ACACB: variants seen among roughly 807,000 people sequenced by gnomAD.
ACACB encodes the protein acetyl-CoA carboxylase 2.
A neutral mutation model predicts 278.8 loss-of-function variants in ACACB; 209 were observed. The observed-to-expected ratio is 0.75, with a 90% confidence interval of 0.67 to 0.84. The LOEUF (loss-of-function observed/expected upper bound fraction) is 0.84. Among genes scored for constraint, ACACB ranks in the 40% least tolerant of loss-of-function variants. The pLI is 0.00. For synonymous variants in ACACB, 1,174 were observed against 1,285.6 expected, an observed-to-expected ratio of 0.91 and a Z score of 1.86; for missense variants, 2,850 against 3,269.0, an observed-to-expected ratio of 0.87 and a Z score of 3.13.
chr12:109,201,348 C>G (rs2045323879), intron 18 of ACACB, among the ~76,000 whole-genome samples: 1 of 152,200 alleles, frequency 6.6e-6, no homozygotes, highest in Non-Finnish European at 1.5e-5. Context: ...ACCTCCTTGG[C>G]TGGCTTTGCA....
At chr12:109,203,128 T>G (rs2045385905) in intron 19 of ACACB, among the ~76,000 whole-genome samples, 1 of 152,234 alleles carries the variant, frequency 6.6e-6, no homozygotes, top group South Asian at 2.1e-4. Context: ...CTTTTGTGAC[T>G]AGCTTATTTC....
chr12:109,135,189 C>T (rs777392977), intron 1 of ACACB, among the ~76,000 whole-genome samples: 59 of 152,162 alleles, frequency 3.9e-4, no homozygotes, highest in African/African-American at 1.4e-3. Flanking sequence ...TATTCTCTCT[C>T]TCTCTCTTTT....
chr12:109,207,076 C>A (rs1308323182), intron 20 of ACACB, among the ~76,000 whole-genome samples: 1 of 152,214 alleles, frequency 6.6e-6, no homozygotes, highest in Non-Finnish European at 1.5e-5. Context: ...CCACCTCAGC[C>A]TCCCACGTAG....
At chr12:109,174,330 AT>A in intron 7 of ACACB, 100 bp downstream of exon 7, 1 of 865,826 alleles carries the variant, frequency 1.2e-6, no homozygotes, top group Non-Finnish European at 1.6e-6. Flanking sequence ...AATTCTTTCC[AT>A]TACAAATGTT....
chr12:109,245,689 T>C lies in ACACB; in HGVS notation c.5242T>C (p.Leu1748=). Residue 1748 remains leucine (L), a synonymous_variant, in exon 38 of 53, where the codon TTA becomes CTA. Coordinates refer to ENST00000338432, the MANE Select transcript of ACACB (RefSeq NM_001093.4). ...YPKDILTYTE[L]VLDSQGQLVE... is the part of the protein sequence containing the mutation. ...CAAAGACATCCTGACATACACTGAA[T>C]TAGTGTTGGACTCTCAGGGCCAGCT... is the stretch of plus-strand genomic sequence containing the variant. 6.2e-7 allele frequency: 1 copy of C among 1,614,172 alleles called. No individual in the cohort carries two copies. Among genetic ancestry groups the C allele is most frequent in the Non-Finnish European group, 8.5e-7 (1 of 1,180,012 alleles).
At chr12:109,211,395 G>A (rs2045844974) in intron 21 of ACACB, among the ~76,000 whole-genome samples, 1 of 128,704 alleles carries the variant, frequency 7.8e-6, no homozygotes, top group Non-Finnish European at 1.6e-5. Flanking sequence ...GATTACAGGT[G>A]TACACCACCA....
In ACACB at chr12:109,209,912, C is replaced by CACACGT. The variant is rs1555222470; in HGVS notation, c.3249+559_3249+560insACACGT. On this transcript the variant is annotated intron_variant, in intron 21 of 52. Transcript: ENST00000338432. ...ATATGTATATACACACATACACACA[C>CACACGT]GTGTGTATATATGTGTATACACACA... Among the ~76,000 whole-genome samples, 3 of 61,182 alleles carry CACACGT rather than the reference C, an allele frequency of 4.9e-5. 1 individual carries two copies. Among genetic ancestry groups the CACACGT allele is most frequent in the Non-Finnish European group, 1.1e-4 (3 of 28,550 alleles). 40.1% of individuals were successfully genotyped at this position (61,182 alleles called of 152,430 possible).
chr12:109,265,024 G>A (rs771543194), intron 50 of ACACB, 86 bp from the exon 51 acceptor site: 84 of 1,442,496 alleles, frequency 5.8e-5, no homozygotes, highest in Non-Finnish European at 7.5e-5. Context: ...GCCCAGCCCC[G>A]GGCAGCCACT....
intron 18 of ACACB, among the ~76,000 whole-genome samples, chr12:109,200,031 C>CAA (rs796623006): frequency 6.8e-4 from 42 of 61,398 alleles, no homozygotes; most frequent in East Asian, 1.3e-3. Context: ...GACTCCGTCT[C>CAA]AAAAAAAAAA....
chr12:109,259,410 C>CA (rs1034061430), intron 47 of ACACB, among the ~76,000 whole-genome samples: 16 of 151,634 alleles, frequency 1.1e-4, no homozygotes, highest in African/African-American at 3.4e-4. Context: ...CCTGTCTCTA[C>CA]AAAAAAACAA....
At position 109,234,115 on chromosome 12, in the gene ACACB, C is replaced by T. The variant is rs1303264547; in HGVS notation, c.4347+70C>T. On this transcript the variant is annotated intron_variant, in intron 31 of 52. Transcript: ENST00000338432. ...GGAGGAGGGGCTGGGCTCGTCGAGG[C>T]GGCCCTTGGGGAGGCAGGCGTGCTG... is the stretch of plus-strand genomic sequence containing the variant. 9 of 1,351,270 alleles carry T rather than the reference C, an allele frequency of 6.7e-6. No individual in the cohort carries two copies. In the East Asian group the frequency reaches 7.5e-5, roughly 11 times the overall value. 83.7% of individuals were successfully genotyped at this position (1,351,270 alleles called of 1,614,324 possible). A position where few individuals can be genotyped will look rare whatever the true frequency, so the allele number is the denominator to read the frequency against.
At chr12:109,149,234 GTTCT>G (rs1437464047) in intron 2 of ACACB, among the ~76,000 whole-genome samples, 3 of 152,122 alleles carry the variant, frequency 2.0e-5, no homozygotes, top group Admixed American at 1.3e-4. Context: ...CTCCTAACTT[GTTCT>G]TTCTATTAGT....
intron 16 of ACACB, among the ~76,000 whole-genome samples, chr12:109,195,847 A>C (rs150067428): frequency 3.4e-4 from 52 of 152,214 alleles, no homozygotes; most frequent in African/African-American, 1.0e-3. Context: ...GGTGACTGAG[A>C]GCTTGAAAGT....
chr12:109,172,245 A>ATTGT, intron 5 of ACACB, 30 bp from the exon 6 acceptor site: 1 of 1,608,428 alleles, frequency 6.2e-7, no homozygotes, highest in Non-Finnish European at 8.5e-7. Flanking sequence ...TTGAAGGAAG[A>ATTGT]TTGTTGCTCA....
intron 2 of ACACB, 117 bp from the exon 3 acceptor site, chr12:109,166,744 A>G (rs919394472): frequency 1.5e-6 from 2 of 1,354,220 alleles, no homozygotes; most frequent in African/African-American, 2.9e-5. Context: ...AGCAAGTGCA[A>G]AGCAGGGGGG....
chr12:109,262,062 G>T (rs533382359), intron 48 of ACACB, among the ~76,000 whole-genome samples: 11 of 152,084 alleles, frequency 7.2e-5, no homozygotes, highest in African/African-American at 2.2e-4. Flanking sequence ...GAGCAGGAGG[G>T]TTATGCTGCC....
chr12:109,192,678 C>G (rs2044936610), intron 15 of ACACB, among the ~76,000 whole-genome samples: 1 of 151,642 alleles, frequency 6.6e-6, no homozygotes, highest in Non-Finnish European at 1.5e-5. Flanking sequence ...GAGACAGAGT[C>G]TTGCTCTGTC....
At position 109,166,649 on chromosome 12, in the gene ACACB, C is replaced by CAAA. The variant is rs869303420; in HGVS notation, c.654-186_654-184dup. Among the ~76,000 whole-genome samples, 5 of 25,088 alleles carry CAAA rather than the reference C, an allele frequency of 2.0e-4. 1 individual carries two copies. The highest frequency in any genetic ancestry group is 7.8e-4 in the Admixed American group (1 of 1,276). 16.5% of individuals were successfully genotyped at this position (25,088 alleles called of 152,430 possible). On this transcript the variant is annotated intron_variant, in intron 2 of 52. Coordinates refer to ENST00000338432, the MANE Select transcript of ACACB (RefSeq NM_001093.4). ...TAGGTGACAGAATGAGATCCCGTCTCAAAAAAAAAAAAAAAAAAAAAAAAA... is the reference window on the plus strand; with the variant it reads ...TAGGTGACAGAATGAGATCCCGTCTCAAAAAAAAAAAAAAAAAAAAAAAAAAAA...
intron 1 of ACACB, among the ~76,000 whole-genome samples, chr12:109,134,224 C>A (rs1331391614): frequency 6.6e-6 from 1 of 152,212 alleles, no homozygotes; most frequent in Non-Finnish European, 1.5e-5. Context: ...CACTTCCATG[C>A]CATGTTTTCT....
Sources: allele counts gnomAD v4.1 joint callset (sites outside exome capture counted in the v4.1 genomes callset), GRCh38; gene constraint gnomAD v4.1.1; transcripts MANE v1.5; gene names NCBI Gene and HGNC (gene_info 2026-07-23, HGNC 2026-07-21).